Variants in KCNMA1 observed in about 807,000 individuals in gnomAD.
KCNMA1 encodes Calcium-activated potassium channel subunit alpha-1.
In KCNMA1, 29 loss-of-function variants were observed where a neutral mutation model predicts 140.0. That is an observed-to-expected ratio of 0.21 (90% CI 0.15 to 0.28). KCNMA1 has a LOEUF of 0.28. KCNMA1 is among the 10% of genes least tolerant of loss of function. The pLI is 1.00. For missense variants in KCNMA1, 880 were observed against 1,602.2 expected (o/e 0.55, Z 7.70); for synonymous variants, 612 against 611.9 (o/e 1.00, Z 0.00).
At chr10:77,163,302 C>T (rs374315113) in intron 5 of KCNMA1, among the ~76,000 whole-genome samples, 1 of 152,214 alleles carries the variant, frequency 6.6e-6, no homozygotes, top group Non-Finnish European at 1.5e-5. Flanking sequence ...GCTATGTCCA[C>T]TCTTTTACCT....
chr10:77,582,989 C>T (rs1227719453), intron 1 of KCNMA1, among the ~76,000 whole-genome samples: 1 of 152,256 alleles, frequency 6.6e-6, no homozygotes, highest in African/African-American at 2.4e-5. Context: ...CATGAGATTA[C>T]GAGAGCATCT....
At chr10:77,316,554 A>G (rs963942598) in intron 2 of KCNMA1, among the ~76,000 whole-genome samples, 2 of 152,152 alleles carry the variant, frequency 1.3e-5, no homozygotes, top group African/African-American at 4.8e-5. Context: ...AGGAATCTGC[A>G]CCTCTAAGAT....
intron 22 of KCNMA1, among the ~76,000 whole-genome samples, chr10:76,947,832 T>C (rs1047389064): frequency 1.3e-5 from 2 of 152,208 alleles, no homozygotes; most frequent in African/African-American, 4.8e-5. Flanking sequence ...GTACTGCTTG[T>C]GGATAGATTC....
At chr10:77,380,326 G>A (rs945852064) in intron 2 of KCNMA1, among the ~76,000 whole-genome samples, 4 of 152,030 alleles carry the variant, frequency 2.6e-5, no homozygotes, top group African/African-American at 7.2e-5. Context: ...GCCTCCCTCC[G>A]CATGAGTCGT....
At chr10:77,344,103 C>A (rs539996179) in intron 2 of KCNMA1, among the ~76,000 whole-genome samples, 1 of 152,330 alleles carries the variant, frequency 6.6e-6, no homozygotes, top group East Asian at 1.9e-4. Flanking sequence ...ATGCACATCC[C>A]TTAGTGCCTC....
chr10:76,970,329 GAAAAA>G lies in KCNMA1; in HGVS notation c.2267-267_2267-263del, dbSNP rs10563488. 4,082 of 186,580 alleles carry G rather than the reference GAAAAA, an allele frequency of 0.022. 20 individuals carry two copies. Among genetic ancestry groups the G allele is most frequent in the African/African-American group, 0.036 (1,357 of 37,610 alleles). The allele number at this position is 186,580 out of a possible 1,614,324, so 11.6% of individuals were successfully genotyped here. On this transcript the variant is annotated intron_variant, in intron 19 of 27. Transcript: ENST00000286628. ...ACAGTTTGTAAACACCCTGCCATAA[GAAAAA>G]AAAAAAAAAAAAAGAAATCATGATT...
intron 23 of KCNMA1, among the ~76,000 whole-genome samples, chr10:76,917,849 G>A (rs77729969): frequency 0.015 from 2,273 of 152,212 alleles, 158 homozygotes; most frequent in Admixed American, 0.12. Context: ...TCTTTCTTAG[G>A]GGTACTGATA....
At chr10:77,281,648 T>A (rs2068633201) in intron 2 of KCNMA1, among the ~76,000 whole-genome samples, 1 of 152,048 alleles carries the variant, frequency 6.6e-6, no homozygotes, top group Non-Finnish European at 1.5e-5. Flanking sequence ...TGGGAACCGG[T>A]GACTGCCTTA....
Position 77,488,262 on chromosome 10 carries a change from G to C in KCNMA1, c.379-84239C>G, listed in dbSNP as rs536239021. On this transcript the variant is annotated intron_variant, in intron 1 of 27. Transcript: ENST00000286628. ...GCCAGCTGACTGCCCTTTAGGAGGAGCTGTGAGGATGAGATTTCCTAGCAG... is the reference window on the plus strand; with the variant it reads ...GCCAGCTGACTGCCCTTTAGGAGGACCTGTGAGGATGAGATTTCCTAGCAG... 3.3e-5 allele frequency among the ~76,000 whole-genome samples: 5 copies of C among 152,296 alleles called. No individual in the cohort carries two copies. The East Asian group carries it at 9.7e-4, about 30-fold the overall frequency.
chr10:77,233,037 C>T (rs944940278), intron 3 of KCNMA1, among the ~76,000 whole-genome samples: 8 of 152,092 alleles, frequency 5.3e-5, no homozygotes, highest in Non-Finnish European at 7.4e-5. Flanking sequence ...CAAGCGTGTG[C>T]CACCATACCT....
At chr10:77,339,234 G>C (rs183125098) in intron 2 of KCNMA1, among the ~76,000 whole-genome samples, 13 of 151,718 alleles carry the variant, frequency 8.6e-5, no homozygotes, top group Non-Finnish European at 1.5e-4. Context: ...CTTATCACTT[G>C]TCTCTTATAT....
rs1489051458 is a variant in KCNMA1, at chr10:77,019,112, C to A, written c.1929-13G>T. ...ATTAATTAATATACTGCTCAGTGAACAAAAACAAACAGAGAAGATACATTT... is the reference window on the plus strand; with the variant it reads ...ATTAATTAATATACTGCTCAGTGAAAAAAAACAAACAGAGAAGATACATTT... On this transcript the variant is annotated splice_polypyrimidine_tract_variant and intron_variant, in intron 16 of 27. Coordinates refer to ENST00000286628, the MANE Select transcript of KCNMA1 (RefSeq NM_001161352.2). 7.6e-7 allele frequency: 1 copy of A among 1,307,672 alleles called. No individual in the cohort carries two copies. The highest frequency in any genetic ancestry group is 1.1e-6 in the Non-Finnish European group (1 of 901,768). The allele number at this position is 1,307,672 out of a possible 1,614,324, so 81.0% of individuals were successfully genotyped here.
At chr10:77,142,314 T>A (rs1196515650) in intron 5 of KCNMA1, among the ~76,000 whole-genome samples, 2 of 147,446 alleles carry the variant, frequency 1.4e-5, no homozygotes, top group Non-Finnish European at 3.0e-5. Flanking sequence ...GAGCTTGCAG[T>A]AAGCCAAGAT....
rs751708207 is a variant in KCNMA1, at chr10:77,108,478, T to C, written c.1223+3A>G. 2 of 1,612,892 alleles carry C rather than the reference T, an allele frequency of 1.2e-6. No homozygotes were observed. The highest frequency in any genetic ancestry group is 1.7e-6 in the Non-Finnish European group (2 of 1,179,060). The stretch of plus-strand genomic sequence containing the variant: ...AGGCAGCAAAACCTCTTGGCATACT[T>C]ACTTTCTTCCACTAACCGCACTATA... On this transcript the variant is annotated splice_donor_region_variant and intron_variant, in intron 9 of 27. Transcript: ENST00000286628. The surrounding 1 kb of genome is among the most constrained non-coding windows in gnomAD (Gnocchi z 4.6).
chr10:77,382,638 G>A (rs571897934), intron 2 of KCNMA1, among the ~76,000 whole-genome samples: 95 of 152,110 alleles, frequency 6.2e-4, no homozygotes, highest in Non-Finnish European at 1.2e-3. Flanking sequence ...GCCAAGGCGG[G>A]TGGATCACCT....
rs1419276200 is a variant in KCNMA1 at position 77,226,930 on chromosome 10, A to G, written c.602+24265T>C. The stretch of plus-strand genomic sequence containing the variant: ...GGGAGGTGTGCCTCCTTCATTACAA[A>G]ACATGTTCTTTTTGTACTTTTAGCT... On this transcript the variant is annotated intron_variant, in intron 3 of 27. Coordinates refer to ENST00000286628, the MANE Select transcript of KCNMA1 (RefSeq NM_001161352.2). 2.0e-5 allele frequency among the ~76,000 whole-genome samples: 3 copies of G among 152,184 alleles called. No homozygotes were observed. In the East Asian group the frequency reaches 5.8e-4, roughly 29 times the overall value.
intron 5 of KCNMA1, among the ~76,000 whole-genome samples, chr10:77,124,846 C>G (rs913175532): frequency 6.6e-6 from 1 of 152,192 alleles, no homozygotes; most frequent in Non-Finnish European, 1.5e-5. Context: ...CTAATAAAGA[C>G]ATACCCGAGA....
intron 5 of KCNMA1, among the ~76,000 whole-genome samples, chr10:77,161,923 A>C (rs1401122629): frequency 6.6e-6 from 1 of 152,264 alleles, no homozygotes; most frequent in Non-Finnish European, 1.5e-5. Context: ...TACATTTCAC[A>C]GTATACCATG....
chr10:77,566,657 A>G (rs1335919695), intron 1 of KCNMA1, among the ~76,000 whole-genome samples: 2 of 152,204 alleles, frequency 1.3e-5, no homozygotes, highest in Non-Finnish European at 1.5e-5. Context: ...ACACCAGGAA[A>G]GGTTCAGAAG....
Sources: gnomAD v4.1 joint callset for allele counts (sites outside exome capture counted in the v4.1 genomes callset) on GRCh38, gnomAD v4.1.1 for gene constraint, Gnocchi (gnomAD v3.1) non-coding constraint, MANE v1.5 for transcripts, NCBI Gene and HGNC (gene_info 2026-07-23, HGNC 2026-07-21) for gene names.